Variants in ACOT2 observed in about 807,000 individuals in gnomAD.
ACOT2 encodes acyl-CoA thioesterase 2.
ACOT2 carries 15 observed loss-of-function variants against 20.1 expected under a neutral mutation model. The ratio of observed to expected loss-of-function variants is 0.75; its 90% confidence interval spans 0.50 to 1.15. ACOT2 has a LOEUF of 1.15. Ranked by LOEUF, ACOT2 falls within the 50% of genes most tolerant of loss-of-function variation. ACOT2 has a pLI of 0.00. For synonymous variants in ACOT2, 252 were observed against 268.4 expected (o/e 0.94, Z 0.60); for missense variants, 479 against 615.3 (o/e 0.78, Z 2.34).
intron 2 of ACOT2, 121 bp from the exon 3 acceptor site, chr14:73,574,787 G>A (rs1595171825): frequency 6.5e-7 from 1 of 1,540,082 alleles, no homozygotes; most frequent in Non-Finnish European, 8.8e-7. Context: ...TTGCAAATCT[G>A]GGTAAATGGT....
Position 73,569,425 on chromosome 14 carries a change from G to C in ACOT2, c.185G>C (p.Arg62Pro), listed in dbSNP as rs1889663657. The C allele has an allele frequency of 2.5e-6, 4 of 1,613,808 alleles. No homozygotes were observed. Among genetic ancestry groups the C allele is most frequent in the Non-Finnish European group, 3.4e-6 (4 of 1,179,812 alleles). Residue 62 changes from arginine to proline, a missense_variant, in exon 1 of 3, where the codon CGG (arginine) becomes CCG (proline). By Grantham distance (103) the Arg-to-Pro change is moderately radical. This residue lies in a region of ACOT2 where 400 missense variants were observed against 395.5 expected (regional missense o/e 1.01). Coordinates refer to ENST00000238651, the MANE Select transcript of ACOT2 (RefSeq NM_006821.6). Reference sequence around the variant, plus strand: ...GGTCAGATCATTAGGGTTCCTGCTCGGATGGCGGCGACGCTGATCCTGGAG... The same window carrying C: ...GGTCAGATCATTAGGGTTCCTGCTCCGATGGCGGCGACGCTGATCCTGGAG... ...QVGQIIRVPARMAATLILEPA... is the reference protein window; with the variant it reads ...QVGQIIRVPAPMAATLILEPA...
Position 73,569,459 on chromosome 14 carries a change from C to T in ACOT2, c.219C>T (p.Gly73=). The T allele has an allele frequency of 6.2e-7, 1 of 1,613,520 alleles. No individual in the cohort carries two copies. Among genetic ancestry groups the T allele is most frequent in the Non-Finnish European group, 8.5e-7 (1 of 1,179,750 alleles). Residue 73 remains glycine, a synonymous_variant, in exon 1 of 3, where the codon GGC becomes GGT. Transcript: ENST00000238651. Reference sequence around the variant, plus strand: ...CGACGCTGATCCTGGAGCCTGCGGGCCGCTGCTGCTGGGACGAACCGGTGC... The same window carrying T: ...CGACGCTGATCCTGGAGCCTGCGGGTCGCTGCTGCTGGGACGAACCGGTGC... ...MAATLILEPA[G]RCCWDEPVRI...
upstream of ACOT2, among the ~76,000 whole-genome samples, chr14:73,568,853 A>G (rs1889649845): frequency 2.6e-5 from 4 of 152,108 alleles, no homozygotes; most frequent in Non-Finnish European, 4.4e-5. Context: ...CAGAGAACAC[A>G]AAAGCAAAAC....
rs569993223 is a variant in ACOT2 at position 73,573,303 on chromosome 14, T to G, written c.644-85T>G. ...CTAGGAGTGGGATTGCTGGGTCACA[T>G]GTGTGGTAAGTATATGTTTAACTTA... is the stretch of plus-strand genomic sequence containing the variant. On this transcript the variant is annotated intron_variant, in intron 1 of 2. Coordinates refer to ENST00000238651, the MANE Select transcript of ACOT2 (RefSeq NM_006821.6). The G allele has an allele frequency of 1.7e-4, 267 of 1,588,678 alleles. 2 individuals carry two copies. The African/African-American group carries it at 2.9e-3, about 17-fold the overall frequency.
rs545752791 is a variant in ACOT2, at chr14:73,569,866, C to T, written c.626C>T (p.Thr209Met). ...GTGCGCGTGGGCCGGGTGCGAGGCA[C>T]GCTCTTCCTGCCGCCAGGTGACTCA... is the stretch of plus-strand genomic sequence containing the variant. ...EPVRVGRVRGTLFLPPEPGPF... is the reference protein window; with the variant it reads ...EPVRVGRVRGMLFLPPEPGPF... The change falls in exon 1 of 3, where the codon ACG (threonine) becomes ATG (methionine). Residue 209 changes from threonine (T) to methionine (M), a missense_variant. Transcript: ENST00000238651. 35 of 1,604,916 alleles carry T rather than the reference C, an allele frequency of 2.2e-5. No homozygotes were observed. The East Asian group carries it at 6.7e-4, about 31-fold the overall frequency.
Position 73,574,927 on chromosome 14 carries a change from G to A in ACOT2, c.866G>A (p.Gly289Glu). ...TCTCAGGTAAAAGGTCCAGGAGTTG[G>A]GCTGCTTGGAATTTCCAAAGGGGGT... ...SHPEVKGPGV[G>E]LLGISKGGEL... Residue 289 changes from glycine to glutamate, a missense_variant, in exon 3 of 3, where the codon GGG (glycine) becomes GAG (glutamate). Around this residue, in one of 4 missense-constraint regions of ACOT2, gnomAD observed 400 missense variants for 395.5 expected, o/e 1.01. Transcript: ENST00000238651. The A allele has an allele frequency of 6.2e-7, 1 of 1,611,030 alleles. No homozygotes were observed. Among genetic ancestry groups the A allele is most frequent in the Non-Finnish European group, 8.5e-7 (1 of 1,178,552 alleles).
upstream of ACOT2, among the ~76,000 whole-genome samples, chr14:73,568,390 C>T (rs777770539): frequency 1.3e-5 from 2 of 151,050 alleles, no homozygotes; most frequent in African/African-American, 2.4e-5. Context: ...AAACCAATAG[C>T]TTACGAAAAA....
chr14:73,574,352 C>A (rs10130899), intron 2 of ACOT2: 26,694 of 169,816 alleles, frequency 0.16, 2,640 homozygotes, highest in East Asian at 0.33. Context: ...GCAAACTCCA[C>A]CTCCCAGGTT....
chr14:73,572,175 C>CCAGTG (rs1889766190), intron 1 of ACOT2, among the ~76,000 whole-genome samples: 1 of 20,522 alleles, frequency 4.9e-5, no homozygotes, highest in African/African-American at 5.0e-4. Flanking sequence ...TTATAAGAGG[C>CCAGTG]CAGATGAGCA....
rs1158766967 is a variant in ACOT2 at position 73,569,669 on chromosome 14, C to G, written c.429C>G (p.Leu143=). Residue 143 remains leucine, a synonymous_variant, in exon 1 of 3, where the codon CTC becomes CTG. Coordinates refer to ENST00000238651, the MANE Select transcript of ACOT2 (RefSeq NM_006821.6). ...CGGGGCTTGAGCCCATGGGGCTGCTCTGGGCCTTGGAGCCCGAGAAACCTT... is the reference window on the plus strand; with the variant it reads ...CGGGGCTTGAGCCCATGGGGCTGCTGTGGGCCTTGGAGCCCGAGAAACCTT... ...SFAGLEPMGL[L]WALEPEKPLV... 6.2e-7 allele frequency: 1 copy of G among 1,608,230 alleles called. No homozygotes were observed. Among genetic ancestry groups the G allele is most frequent in the Non-Finnish European group, 8.5e-7 (1 of 1,178,454 alleles).
upstream of ACOT2, among the ~76,000 whole-genome samples, chr14:73,568,644 C>G (rs1179386974): frequency 6.6e-6 from 1 of 151,722 alleles, no homozygotes; most frequent in South Asian, 2.1e-4. Flanking sequence ...ATTAGCCGGG[C>G]GCGGTGGCTC....
In ACOT2 at chr14:73,569,417, T is replaced by A. The variant is rs1171104957; in HGVS notation, c.177T>A (p.Val59=). The part of the protein sequence containing the change: ...QLRQVGQIIR[V]PARMAATLIL... ...GGCAGGTTGGTCAGATCATTAGGGT[T>A]CCTGCTCGGATGGCGGCGACGCTGA... The change falls in exon 1 of 3, where the codon GTT becomes GTA. Residue 59 remains valine (V), a synonymous_variant. Coordinates refer to ENST00000238651, the MANE Select transcript of ACOT2 (RefSeq NM_006821.6). 8.1e-6 allele frequency: 13 copies of A among 1,613,958 alleles called. No individual in the cohort carries two copies. The highest frequency in any genetic ancestry group is 2.7e-5 in the African/African-American group (2 of 75,052).
At chr14:73,573,635 C>T (rs1646853619) in intron 2 of ACOT2, 45 bp downstream of exon 2, 1 of 1,608,852 alleles carries the variant, frequency 6.2e-7, no homozygotes, top group Non-Finnish European at 8.5e-7. Flanking sequence ...TATCAGGTCT[C>T]TTCTTAAATG....
intron 2 of ACOT2, among the ~76,000 whole-genome samples, chr14:73,573,851 C>T (rs1400175154): frequency 2.0e-5 from 3 of 152,082 alleles, no homozygotes; most frequent in East Asian, 3.9e-4. Context: ...CCCACCCTCC[C>T]GAGTAGTTGG....
chr14:73,569,390 G>A lies in ACOT2; in HGVS notation c.150G>A (p.Leu50=). 1 of 1,614,004 alleles carries A rather than the reference G, an allele frequency of 6.2e-7. No individual in the cohort carries two copies. Among genetic ancestry groups the A allele is most frequent in the Non-Finnish European group, 8.5e-7 (1 of 1,179,814 alleles). ...CGCAGTTCCTGGGGTCTCCACAGCT[G>A]AGGCAGGTTGGTCAGATCATTAGGG... ...SSAQFLGSPQ[L]RQVGQIIRVP... Residue 50 remains leucine, a synonymous_variant, in exon 1 of 3, where the codon CTG becomes CTA. Transcript: ENST00000238651.
At chr14:73,570,936 A>G (rs1889726035) in intron 1 of ACOT2, among the ~76,000 whole-genome samples, 1 of 149,504 alleles carries the variant, frequency 6.7e-6, no homozygotes, top group African/African-American at 2.5e-5. Flanking sequence ...GGTAGTTTCA[A>G]TTTTTTAATG....
At chr14:73,568,110 ACTTG>A (rs1278483594), upstream of ACOT2, 3 of 152,110 alleles carry the variant, frequency 2.0e-5, no homozygotes, top group Admixed American at 6.6e-5. Flanking sequence ...CACAGAACAT[ACTTG>A]AGGTGTTATA....
At position 73,575,012 on chromosome 14, in the gene ACOT2, C is replaced by T. The variant is rs755830139; in HGVS notation, c.951C>T (p.Asn317=). The change falls in exon 3 of 3, where the codon AAC becomes AAT. Residue 317 remains asparagine (N), a synonymous_variant. Transcript: ENST00000238651. The part of the protein sequence containing the change: ...LKGITAAVVI[N]GSVANVGGTL... ...GCATCACGGCTGCTGTCGTCATCAA[C>T]GGCTCTGTGGCCAATGTTGGGGGAA... 21 of 1,597,738 alleles carry T rather than the reference C, an allele frequency of 1.3e-5. 1 individual carries two copies. Among genetic ancestry groups the T allele is most frequent in the Admixed American group, 8.5e-5 (5 of 58,824 alleles).
Position 73,575,030 on chromosome 14 carries a change from T to C in ACOT2, c.969T>C (p.Val323=). The change falls in exon 3 of 3, where the codon GTT becomes GTC. Residue 323 remains valine (V), a synonymous_variant. Transcript: ENST00000238651. The part of the protein sequence containing the change: ...AVVINGSVAN[V]GGTLHYKGET... ...TCATCAACGGCTCTGTGGCCAATGT[T>C]GGGGGAACCTTACACTACAAGGGCG... The C allele has an allele frequency of 6.3e-7, 1 of 1,590,552 alleles. No homozygotes were observed. The highest frequency in any genetic ancestry group is 8.6e-7 in the Non-Finnish European group (1 of 1,164,396).
Sources: gnomAD v4.1 joint callset for allele counts (sites outside exome capture counted in the v4.1 genomes callset) on GRCh38, gnomAD v4.1.1 for gene constraint, gnomAD v4.1.1 regional missense constraint, MANE v1.5 for transcripts, NCBI Gene and HGNC (gene_info 2026-07-23, HGNC 2026-07-21) for gene names.